The following ANKRD12 variants were observed in gnomAD, a reference collection of about 807,000 sequenced individuals.
The protein encoded by ANKRD12 is ankyrin repeat domain-containing protein 12.
In ANKRD12, 85 loss-of-function variants were observed where a neutral mutation model predicts 183.4. That is an observed-to-expected ratio of 0.46 (90% CI 0.39 to 0.56). The LOEUF (loss-of-function observed/expected upper bound fraction) is 0.56, where lower values mean the gene tolerates loss of function less well. Among genes scored for constraint, ANKRD12 ranks in the 20% least tolerant of loss-of-function variants. The probability of loss-of-function intolerance (pLI) is 0.00; values close to 1 mark genes in which losing one functional copy is unlikely to be tolerated. For missense variants in ANKRD12, 2,405 were observed against 2,357.1 expected, an observed-to-expected ratio of 1.02 and a Z score of -0.42; for synonymous variants, 914 against 800.2, an observed-to-expected ratio of 1.14 and a Z score of -2.40.
At chr18:9,272,010 C>T (rs1267177087) in intron 10 of ANKRD12, among the ~76,000 whole-genome samples, 2 of 152,150 alleles carry the variant, frequency 1.3e-5, no homozygotes, top group Non-Finnish European at 2.9e-5. Context: ...ACAAAGTTTA[C>T]AGCCAGAATC....
At chr18:9,177,718 C>A (rs914928309) in intron 1 of ANKRD12, among the ~76,000 whole-genome samples, 1 of 152,114 alleles carries the variant, frequency 6.6e-6, no homozygotes, top group African/African-American at 2.4e-5. Context: ...AATCAACCTC[C>A]CTTCATCCCC....
chr18:9,282,471 A>G lies in ANKRD12; in HGVS notation c.*1345A>G, dbSNP rs1456693408. 1.3e-5 allele frequency: 2 copies of G among 152,532 alleles called. No individual in the cohort carries two copies. The highest frequency in any genetic ancestry group is 1.5e-5 in the Non-Finnish European group (1 of 67,948). The allele number at this position is 152,532 out of a possible 1,614,324, so 9.4% of individuals were successfully genotyped here. ...TATAATAAATTAGCAATATACTTTA[A>G]AAAAAATCCAGTTTCTCCTATAACA... is the stretch of plus-strand genomic sequence containing the variant. On this transcript the variant is annotated 3_prime_UTR_variant, in exon 13 of 13. Transcript: ENST00000262126.
chr18:9,231,331 C>T (rs2037032630), intron 8 of ANKRD12, among the ~76,000 whole-genome samples: 1 of 152,080 alleles, frequency 6.6e-6, no homozygotes, highest in African/African-American at 2.4e-5. Flanking sequence ...CTGTCTAATG[C>T]TGACAGTGAT....
In ANKRD12 at chr18:9,136,890, C is replaced by G. The variant is rs1020176391; in HGVS notation, c.-127C>G. The G allele has an allele frequency of 1.3e-5, 2 of 152,428 alleles. No individual in the cohort carries two copies. Among genetic ancestry groups the G allele is most frequent in the Non-Finnish European group, 2.9e-5 (2 of 68,248 alleles). The allele number at this position is 152,428 out of a possible 1,614,324, so 9.4% of individuals were successfully genotyped here. ...GCTTTACAGGCGGCTGCAGCGGCGACGAAGACAACGACAGCGACGGCTACG... is the reference window on the plus strand; with the variant it reads ...GCTTTACAGGCGGCTGCAGCGGCGAGGAAGACAACGACAGCGACGGCTACG... On this transcript the variant is annotated 5_prime_UTR_variant, in exon 1 of 13. Coordinates refer to ENST00000262126, the MANE Select transcript of ANKRD12 (RefSeq NM_015208.5).
At chr18:9,214,950 TAAGG>T (rs560681012) in intron 6 of ANKRD12, among the ~76,000 whole-genome samples, 32 of 152,248 alleles carry the variant, frequency 2.1e-4, no homozygotes, top group Admixed American at 5.9e-4. Context: ...ACAACAATTT[TAAGG>T]AAGATCAGGG....
At position 9,257,893 on chromosome 18, in the gene ANKRD12, A is replaced by T; in HGVS notation, c.4626A>T (p.Thr1542=). ...SSALDTDNES[T]KDTENTFVLG... ...CTTTAGATACTGATAATGAATCTAC[A>T]AAAGATACAGAAAATACTTTTGTCC... The change falls in exon 9 of 13, where the codon ACA becomes ACT. Residue 1542 remains threonine, a synonymous_variant. Coordinates refer to ENST00000262126, the MANE Select transcript of ANKRD12 (RefSeq NM_015208.5). The T allele has an allele frequency of 6.2e-7, 1 of 1,613,904 alleles. No homozygotes were observed. Among genetic ancestry groups the T allele is most frequent in the Middle Eastern group, 1.6e-4 (1 of 6,062 alleles).
intron 1 of ANKRD12, among the ~76,000 whole-genome samples, chr18:9,168,851 G>T (rs952234742): frequency 3.3e-5 from 5 of 151,778 alleles, no homozygotes; most frequent in African/African-American, 1.2e-4. Flanking sequence ...TCTCTTGTGG[G>T]CATTTAGTGC....
intron 2 of ANKRD12, among the ~76,000 whole-genome samples, chr18:9,192,705 CCTCCTTTTTTTTTA>C (rs2034529602): frequency 1.8e-5 from 2 of 108,240 alleles, no homozygotes; most frequent in African/African-American, 2.8e-5. Context: ...CTTTTTTTTT[CCTCCTTTTTTTTTA>C]GAGACAGGGT....
chr18:9,178,343 C>CTCTCTCTCTCTCTCTCTCTCTCTCTCTT (rs35964343), intron 1 of ANKRD12, among the ~76,000 whole-genome samples: 10 of 150,998 alleles, frequency 6.6e-5, no homozygotes, highest in African/African-American at 2.2e-4. Context: ...CTCTCTCTCT[C>CTCTCTCTCTCTCTCTCTCTCTCTCTCTT]GTTTTTTGCA....
intron 10 of ANKRD12, among the ~76,000 whole-genome samples, chr18:9,265,933 G>A (rs11660927): frequency 1.3e-5 from 2 of 152,176 alleles, no homozygotes; most frequent in African/African-American, 4.8e-5. Context: ...TAAAGGACCT[G>A]ATGGAACTGA....
chr18:9,173,229 C>G (rs1213450740), intron 1 of ANKRD12, among the ~76,000 whole-genome samples: 1 of 152,050 alleles, frequency 6.6e-6, no homozygotes, highest in Non-Finnish European at 1.5e-5. Context: ...GCCACCATGC[C>G]TGGCTAATTT....
In ANKRD12 at chr18:9,254,624, G is replaced by T. The variant is rs368121331; in HGVS notation, c.1357G>T (p.Asp453Tyr). The T allele has an allele frequency of 6.3e-7, 1 of 1,582,834 alleles. No homozygotes were observed. The highest frequency in any genetic ancestry group is 1.2e-5 in the South Asian group (1 of 83,364). ...CSVIPETSNSDMQTKKEYVVS... is the reference protein window; with the variant it reads ...CSVIPETSNSYMQTKKEYVVS... ...CGTCATCCCTGAAACATCAAATTCT[G>T]ATATGCAAACCAAAAAGGAATATGT... The change falls in exon 9 of 13, where the codon GAT becomes TAT. Residue 453 changes from aspartate (D) to tyrosine (Y), a missense_variant. By Grantham distance (160) the Asp-to-Tyr change is radical. Transcript: ENST00000262126.
At chr18:9,268,523 C>T (rs1459226648) in intron 10 of ANKRD12, among the ~76,000 whole-genome samples, 1 of 152,172 alleles carries the variant, frequency 6.6e-6, no homozygotes, top group East Asian at 1.9e-4. Flanking sequence ...ACAAAAACCA[C>T]ATGATTATCT....
intron 8 of ANKRD12, among the ~76,000 whole-genome samples, chr18:9,243,066 A>G (rs1213411095): frequency 2.0e-5 from 3 of 152,168 alleles, no homozygotes; most frequent in Admixed American, 6.6e-5. Flanking sequence ...ACCTTGCTCA[A>G]TCAGTTTGGG....
In ANKRD12 at chr18:9,222,031, C is replaced by T. The variant is rs372694389; in HGVS notation, c.943+32C>T. On this transcript the variant is annotated intron_variant, in intron 8 of 12. Transcript: ENST00000262126. Reference sequence around the variant, plus strand: ...TTCAGATAATCTACATTCATCTGTTCGTTTGACATGATATTTGATAGAACA... The same window carrying T: ...TTCAGATAATCTACATTCATCTGTTTGTTTGACATGATATTTGATAGAACA... 1.6e-5 allele frequency: 25 copies of T among 1,605,732 alleles called. No homozygotes were observed. The African/African-American group carries it at 2.5e-4, about 16-fold the overall frequency.
chr18:9,219,195 T>A (rs1459848047), intron 7 of ANKRD12, among the ~76,000 whole-genome samples: 1 of 152,232 alleles, frequency 6.6e-6, no homozygotes, highest in Non-Finnish European at 1.5e-5. Context: ...ATGTAATAAG[T>A]ATTTATTGAT....
intron 2 of ANKRD12, among the ~76,000 whole-genome samples, chr18:9,185,518 TTGCTGAAC>T (rs1490662809): frequency 6.6e-6 from 1 of 152,214 alleles, no homozygotes; most frequent in African/African-American, 2.4e-5. Flanking sequence ...TGCTTTGTAC[TTGCTGAAC>T]TGAGTTGGCC....
At chr18:9,169,092 T>G (rs1287738320) in intron 1 of ANKRD12, among the ~76,000 whole-genome samples, 1 of 152,172 alleles carries the variant, frequency 6.6e-6, no homozygotes, top group Non-Finnish European at 1.5e-5. Context: ...AGACAGTTTG[T>G]TATAATTTCT....
Position 9,255,397 on chromosome 18 carries a change from T to A in ANKRD12, c.2130T>A (p.Phe710Leu), listed in dbSNP as rs771054271. The change falls in exon 9 of 13, where the codon TTT (phenylalanine) becomes TTA (leucine). Residue 710 changes from phenylalanine (F) to leucine (L), a missense_variant. Phe to Leu is a conservative substitution (Grantham distance 22). Transcript: ENST00000262126. ...FFKSDETEDLFLNMEHESLTL... is the reference protein window; with the variant it reads ...FFKSDETEDLLLNMEHESLTL... ...AAAGTGATGAAACTGAAGATCTCTT[T>A]TTAAATATGGAACATGAATCCTTAA... is the stretch of plus-strand genomic sequence containing the variant. The A allele has an allele frequency of 1.4e-5, 23 of 1,590,390 alleles. No homozygotes were observed. Among genetic ancestry groups the A allele is most frequent in the Non-Finnish European group, 2.0e-5 (23 of 1,173,520 alleles).
Sources: gnomAD v4.1 joint callset for allele counts (sites outside exome capture counted in the v4.1 genomes callset) on GRCh38, gnomAD v4.1.1 for gene constraint, MANE v1.5 for transcripts, NCBI Gene and HGNC (gene_info 2026-07-23, HGNC 2026-07-21) for gene names.